The following COMP variants were observed in gnomAD, a reference collection of about 807,000 sequenced individuals.
COMP encodes the protein cartilage oligomeric matrix protein, also known as cartilage oligomeric matrix protein (pseudoachondroplasia, epiphyseal dysplasia 1, multiple).
Under a neutral mutation model 95.8 loss-of-function variants are expected in COMP, and 79 were observed. The observed-to-expected ratio is 0.82, with a 90% CI of 0.69 to 0.99. COMP has a LOEUF of 0.99. COMP is among the 50% of genes least tolerant of loss of function. COMP has a pLI of 0.00. For missense variants in COMP, 906 were observed against 1,076.1 expected (o/e 0.84, Z 2.21); for synonymous variants, 438 against 433.9 (o/e 1.01, Z -0.12).
intron 11 of COMP, 74 bp downstream of exon 11, chr19:18,786,458 G>C: frequency 6.5e-7 from 1 of 1,528,346 alleles, no homozygotes; most frequent in Non-Finnish European, 9.1e-7. Context: ...GCTCTAAGCT[G>C]GGCTGTGGGC....
chr19:18,785,622 A>C (rs2055159914), intron 14 of COMP, 51 bp downstream of exon 14: 1 of 1,613,426 alleles, frequency 6.2e-7, no homozygotes, highest in Non-Finnish European at 8.5e-7. Context: ...CATAGGCCTC[A>C]CTGTGGGGGT....
At chr19:18,790,756 T>C in intron 2 of COMP, 94 bp downstream of exon 2, 1 of 1,598,636 alleles carries the variant, frequency 6.3e-7, no homozygotes, top group East Asian at 2.3e-5. Flanking sequence ...CCCCATCTCC[T>C]CTCCACCTTC....
chr19:18,791,297 T>A lies in COMP; in HGVS notation c.-28A>T. On this transcript the variant is annotated 5_prime_UTR_variant, in exon 1 of 19. Coordinates refer to ENST00000222271, the MANE Select transcript of COMP (RefSeq NM_000095.3). ...CGGTGGCGGGGAGCTGGGTGGCTGC[T>A]CGCTTTCTACCGCCCACGAGGCCCG... is the stretch of plus-strand genomic sequence containing the variant. The A allele has an allele frequency of 6.4e-7, 1 of 1,572,436 alleles. No individual in the cohort carries two copies. Among genetic ancestry groups the A allele is most frequent in the Middle Eastern group, 1.7e-4 (1 of 5,844 alleles).
In COMP at chr19:18,785,986, G is replaced by A. The variant is rs867983497; in HGVS notation, c.1468C>T (p.Pro490Ser). 2 of 1,612,544 alleles carry A rather than the reference G, an allele frequency of 1.2e-6. No homozygotes were observed. The highest frequency in any genetic ancestry group is 1.7e-6 in the Non-Finnish European group (2 of 1,179,834). The stretch of plus-strand genomic sequence containing the variant: ...GTACTGTCCGCGTCCTCCTGGCCGG[G>A]GTTAGGCACCAGGCGGCAGTTGTCC... ...SRDNCRLVPN[P>S]GQEDADRDGV... is the part of the protein sequence containing the mutation. The change falls in exon 13 of 19, where the codon CCC (proline) becomes TCC (serine). Residue 490 changes from proline (P) to serine (S), a missense_variant. Pro to Ser is a moderately conservative substitution (Grantham distance 74). Transcript: ENST00000222271.
Position 18,791,255 on chromosome 19 carries a change from G to A in COMP, c.15C>T (p.Thr5=), listed in dbSNP as rs1484586469. Residue 5 remains threonine (T), a synonymous_variant, in exon 1 of 19, where the codon ACC becomes ACT. Transcript: ENST00000222271. ...CCAGGGTGAGCAGAAGAACGCAGGC[G>A]GTGTCGGGGACCATGGCGGTGGCGG... is the stretch of plus-strand genomic sequence containing the variant. MVPD[T]ACVLLLTLAA... is the part of the protein sequence containing the mutation. The A allele has an allele frequency of 1.3e-6, 2 of 1,597,164 alleles. No homozygotes were observed. Among genetic ancestry groups the A allele is most frequent in the African/African-American group, 2.7e-5 (2 of 74,828 alleles).
In COMP at chr19:18,788,815, T is replaced by G; in HGVS notation, c.603+24A>C. ...CGCTCGCCCCACCTCCCGCGATCCT[T>G]TCTTCCTCCCCAGCGGGCCTTACCC... On this transcript the variant is annotated intron_variant, in intron 6 of 18. Transcript: ENST00000222271. The surrounding 1 kb of genome is among the most constrained non-coding windows in gnomAD (Gnocchi z 4.7). The G allele has an allele frequency of 6.2e-7, 1 of 1,613,014 alleles. No individual in the cohort carries two copies. Among genetic ancestry groups the G allele is most frequent in the Non-Finnish European group, 8.5e-7 (1 of 1,179,696 alleles).
Position 18,784,195 on chromosome 19 carries a change from T to G in COMP, c.2083A>C (p.Ile695Leu), listed in dbSNP as rs767622438. The G allele has an allele frequency of 1.2e-6, 2 of 1,613,486 alleles. No individual in the cohort carries two copies. The highest frequency in any genetic ancestry group is 3.3e-5 in the Admixed American group (2 of 60,024). ...FLQHRPQVGYIRVRFYEGPEL... is the reference protein window; with the variant it reads ...FLQHRPQVGYLRVRFYEGPEL... ...CACAGAGGGTGGAGTCCCCACCTGA[T>G]GTAGCCCACTTGGGGCCGGTGCTGC... The change falls in exon 17 of 19, where the codon ATC becomes CTC. Residue 695 changes from isoleucine (I) to leucine (L), a missense_variant. Ile to Leu is a conservative substitution (Grantham distance 5, BLOSUM62 2). Coordinates refer to ENST00000222271, the MANE Select transcript of COMP (RefSeq NM_000095.3). The surrounding 1 kb of genome is among the most constrained non-coding windows in gnomAD (Gnocchi z 4.9).
Position 18,790,023 on chromosome 19 carries a change from G to C in COMP, c.309C>G (p.Ile103Met). The change falls in exon 4 of 19, where the codon ATC (isoleucine) becomes ATG (methionine). Residue 103 changes from isoleucine (I) to methionine (M), a missense_variant. Ile to Met is a conservative substitution (Grantham distance 10). Coordinates refer to ENST00000222271, the MANE Select transcript of COMP (RefSeq NM_000095.3). ...PGFCFPGVACIQTESGARCGP... is the reference protein window; with the variant it reads ...PGFCFPGVACMQTESGARCGP... ...CGCAGCGCGCGCCGCTCTCCGTCTG[G>C]ATGCAGGCCACGCCGGGGAAGCAGA... The C allele has an allele frequency of 1.3e-6, 2 of 1,583,316 alleles. No individual in the cohort carries two copies. Among genetic ancestry groups the C allele is most frequent in the Non-Finnish European group, 1.7e-6 (2 of 1,171,426 alleles).
At chr19:18,787,746 A>G (rs2055177919) in intron 9 of COMP, 96 bp from the exon 10 acceptor site, 1 of 1,558,088 alleles carries the variant, frequency 6.4e-7, no homozygotes. Flanking sequence ...TCTCCTCCTC[A>G]AGGAACCTTT....
rs2055208916 is a variant in COMP, at chr19:18,790,927, G to A, written c.88C>T (p.Leu30=). 1.3e-6 allele frequency: 2 copies of A among 1,560,594 alleles called. No homozygotes were observed. The highest frequency in any genetic ancestry group is 2.7e-5 in the African/African-American group (2 of 73,600). ...GQGQSPLGSD[L]GPQMLRELQE... is the part of the protein sequence containing the mutation. ...AGTTCCCGAAGCATCTGCGGGCCCA[G>A]GTCTGAGCCTGCGGCGGCAGGGGAC... The change falls in exon 2 of 19, where the codon CTG becomes TTG. Residue 30 remains leucine (L), a synonymous_variant. Coordinates refer to ENST00000222271, the MANE Select transcript of COMP (RefSeq NM_000095.3).
Position 18,789,272 on chromosome 19 carries a change from CG to C in COMP, c.415del (p.Arg139GlufsTer107). The C allele has an allele frequency of 5.3e-6, 8 of 1,501,836 alleles. No homozygotes were observed. Among genetic ancestry groups the C allele is most frequent in the South Asian group, 4.1e-5 (3 of 72,400 alleles). 93.0% of individuals were successfully genotyped at this position (1,501,836 alleles called of 1,614,324 possible). On this transcript the variant is annotated frameshift_variant, in exon 5 of 19. Coordinates refer to ENST00000222271, the MANE Select transcript of COMP (RefSeq NM_000095.3). LOFTEE classifies it high-confidence loss of function. The surrounding 1 kb of genome is among the most constrained non-coding windows in gnomAD (Gnocchi z 6.1). ...CGGGCTGGTGTTGATACAGCGGACT[CG>C]GGGGAAGCAGGGGTGGGCGTTGCAC... Reference protein sequence around the residue: ...NECNAHPCFPRVRCINTSPGF... With the variant: ...NECNAHPCFPXVRCINTSPGF...
In COMP at chr19:18,790,037, C is replaced by G. The variant is rs2055200682; in HGVS notation, c.295G>C (p.Gly99Arg). Residue 99 changes from glycine (G) to arginine (R), a missense_variant, in exon 4 of 19, where the codon GGC becomes CGC. Transcript: ENST00000222271. ...CTCTCCGTCTGGATGCAGGCCACGC[C>G]GGGGAAGCAGAAGCCGGGCGCGCAG... is the stretch of plus-strand genomic sequence containing the variant. ...LHCAPGFCFPGVACIQTESGA... is the reference protein window; with the variant it reads ...LHCAPGFCFPRVACIQTESGA... 4 of 1,571,528 alleles carry G rather than the reference C, an allele frequency of 2.5e-6. No individual in the cohort carries two copies. Among genetic ancestry groups the G allele is most frequent in the South Asian group, 2.3e-5 (2 of 87,150 alleles).
Position 18,782,805 on chromosome 19 carries a change from G to C in COMP, c.*110C>G. 8.1e-7 allele frequency: 1 copy of C among 1,236,894 alleles called. No individual in the cohort carries two copies. The highest frequency in any genetic ancestry group is 1.2e-6 in the Non-Finnish European group (1 of 858,738). The allele number at this position is 1,236,894 out of a possible 1,614,324, so 76.6% of individuals were successfully genotyped here. On this transcript the variant is annotated 3_prime_UTR_variant, in exon 19 of 19. Transcript: ENST00000222271. ...ACACACACTTTATTTTGTCCTCTCT[G>C]AGCCCTTCTCACTTCCCCCTCAGGA...
At position 18,786,597 on chromosome 19, in the gene COMP, CCTT is replaced by C. The variant is rs1265587486; in HGVS notation, c.1186_1188del (p.Lys396del). 1 of 1,614,018 alleles carries C rather than the reference CCTT, an allele frequency of 6.2e-7. No homozygotes were observed. The highest frequency in any genetic ancestry group is 8.5e-7 in the Non-Finnish European group (1 of 1,179,988). On this transcript the variant is annotated inframe_deletion, in exon 11 of 19. Coordinates refer to ENST00000222271, the MANE Select transcript of COMP (RefSeq NM_000095.3). ...TCCCCTATACCATCGCCATCACTGT[CCTT>C]CTGGTCTGAGTTGGGTACCCTAGGG... is the stretch of plus-strand genomic sequence containing the variant.
chr19:18,787,870 C>CTTTTTCTTTTTCTTTTTCTT (rs764518645), intron 9 of COMP, among the ~76,000 whole-genome samples: 1 of 52,984 alleles, frequency 1.9e-5, no homozygotes, highest in South Asian at 5.4e-4. Flanking sequence ...TTTTCTCTTT[C>CTTTTTCTTTTTCTTTTTCTT]TTTCTTTCTT....
chr19:18,785,671 A>G lies in COMP; in HGVS notation c.1668+2T>C. ...CACCCCCCACGTGGACCCCGCTCCC[A>G]CCTGGTTGAGCACCACCCAGTTGGG... On this transcript the variant is annotated splice_donor_variant, in intron 14 of 18. Transcript: ENST00000222271. LOFTEE classifies it high-confidence loss of function. 1 of 1,613,214 alleles carries G rather than the reference A, an allele frequency of 6.2e-7. No individual in the cohort carries two copies. The highest frequency in any genetic ancestry group is 1.1e-5 in the South Asian group (1 of 91,074).
intron 3 of COMP, 99 bp downstream of exon 3, chr19:18,790,463 C>T (rs904145815): frequency 1.6e-5 from 24 of 1,487,356 alleles, no homozygotes; most frequent in Non-Finnish European, 2.1e-5. Flanking sequence ...CCATCTCCTT[C>T]CGTCTCTTTT....
chr19:18,790,058 C>T lies in COMP; in HGVS notation c.274G>A (p.Ala92Thr). 1 of 1,555,058 alleles carries T rather than the reference C, an allele frequency of 6.4e-7. No homozygotes were observed. The change falls in exon 4 of 19, where the codon GCG (alanine) becomes ACG (threonine). Residue 92 changes from alanine to threonine, a missense_variant. Transcript: ENST00000222271. Reference sequence around the variant, plus strand: ...ACGCCGGGGAAGCAGAAGCCGGGCGCGCAGTGGAGCAGGGGCCGCACGCTG... The same window carrying T: ...ACGCCGGGGAAGCAGAAGCCGGGCGTGCAGTGGAGCAGGGGCCGCACGCTG... The part of the protein sequence containing the change: ...LPSVRPLLHC[A>T]PGFCFPGVAC...
rs750428025 is a variant in COMP, at chr19:18,787,605, C to T, written c.1021G>A (p.Glu341Lys). Residue 341 changes from glutamate to lysine, a missense_variant, in exon 10 of 19, where the codon GAG (glutamate) becomes AAG (lysine). Glu to Lys is a moderately conservative substitution (Grantham distance 56). Transcript: ENST00000222271. ...TCGCACGCATCGCCCCACTTGTCCT[C>T]GTCCGTGTTGCGCTGGTCTGGGTTC... The part of the protein sequence containing the change: ...VRNPDQRNTD[E>K]DKWGDACDNC... 10 of 1,613,928 alleles carry T rather than the reference C, an allele frequency of 6.2e-6. No individual in the cohort carries two copies. In the African/African-American group the frequency reaches 9.3e-5, roughly 15 times the overall value.
Sources: allele counts gnomAD v4.1 joint callset (sites outside exome capture counted in the v4.1 genomes callset), GRCh38; gene constraint gnomAD v4.1.1; non-coding constraint Gnocchi (gnomAD v3.1); transcripts MANE v1.5; gene names NCBI Gene and HGNC (gene_info 2026-07-23, HGNC 2026-07-21).